PALLD: variants seen among roughly 807,000 people sequenced by gnomAD.
PALLD encodes palladin.
PALLD carries 61 observed loss-of-function variants against 123.5 expected under a neutral mutation model. The observed-to-expected ratio is 0.49, with a 90% CI of 0.40 to 0.61. The LOEUF (loss-of-function observed/expected upper bound fraction) is 0.61, where lower values mean the gene tolerates loss of function less well. Among genes scored for constraint, PALLD ranks in the 20% least tolerant of loss-of-function variants. PALLD has a pLI of 0.00. For synonymous variants in PALLD, 465 were observed against 496.4 expected, an observed-to-expected ratio of 0.94 and a Z score of 0.84; for missense variants, 1,273 against 1,377.0, an observed-to-expected ratio of 0.92 and a Z score of 1.20.
intron 10 of PALLD, among the ~76,000 whole-genome samples, chr4:168,742,542 TGAGGACCTGAACAGTTTC>T (rs1275479024): frequency 3.3e-5 from 5 of 152,332 alleles, no homozygotes; most frequent in Admixed American, 2.0e-4. Context: ...CCTGGTGCTT[TGAGGACCTGAACAGTTTC>T]TGTTCCATGA....
At chr4:168,920,591 C>T (rs1761274334) in intron 17 of PALLD, among the ~76,000 whole-genome samples, 1 of 152,162 alleles carries the variant, frequency 6.6e-6, no homozygotes, top group Non-Finnish European at 1.5e-5. Flanking sequence ...AGATGGCGAC[C>T]ATCCTGACCC....
intron 10 of PALLD, among the ~76,000 whole-genome samples, chr4:168,814,539 T>C (rs1314277613): frequency 1.3e-5 from 2 of 152,160 alleles, no homozygotes; most frequent in African/African-American, 4.8e-5. Context: ...ATAAGGTTCA[T>C]AGGACGAAAT....
chr4:168,829,439 T>C (rs932043472), intron 10 of PALLD, among the ~76,000 whole-genome samples: 8 of 152,252 alleles, frequency 5.3e-5, no homozygotes, highest in East Asian at 3.8e-4. Flanking sequence ...CTACAGGTGG[T>C]AATATCAGAC....
intron 2 of PALLD, among the ~76,000 whole-genome samples, chr4:168,587,515 C>T (rs141560922): frequency 5.2e-4 from 79 of 152,228 alleles, no homozygotes; most frequent in African/African-American, 1.3e-3. Flanking sequence ...CTCCAAAGCG[C>T]AGGGAGGCTT....
intron 10 of PALLD, among the ~76,000 whole-genome samples, chr4:168,733,798 T>G (rs970374566): frequency 1.9e-4 from 29 of 152,132 alleles, no homozygotes; most frequent in African/African-American, 5.8e-4. Flanking sequence ...CAGTGGGTGC[T>G]ATCTTGGCTC....
At chr4:168,677,231 C>T (rs1780948151) in intron 3 of PALLD, among the ~76,000 whole-genome samples, 1 of 149,658 alleles carries the variant, frequency 6.7e-6, no homozygotes, top group African/African-American at 2.5e-5. Flanking sequence ...GAAGTGGGAA[C>T]AGAGTGGGAG....
chr4:168,822,045 C>T (rs1742800932), intron 10 of PALLD, among the ~76,000 whole-genome samples: 1 of 152,068 alleles, frequency 6.6e-6, no homozygotes, highest in African/African-American at 2.4e-5. Context: ...TCCCAGAACC[C>T]TCCAGCTGAA....
In PALLD at chr4:168,531,465, C is replaced by T. The variant is rs558771106; in HGVS notation, c.908+19053C>T. Among the ~76,000 whole-genome samples, 8 of 152,252 alleles carry T rather than the reference C, an allele frequency of 5.3e-5. 1 individual carries two copies. The highest frequency in any genetic ancestry group is 4.6e-4 in the Admixed American group (7 of 15,288). On this transcript the variant is annotated intron_variant, in intron 2 of 21. Transcript: ENST00000505667. ...ACCAATTCCATTACCACTCAGTGTC[C>T]GGCACTCCAGACCAGAACAAAGCTG...
intron 2 of PALLD, among the ~76,000 whole-genome samples, chr4:168,540,127 T>A (rs1485199082): frequency 6.6e-6 from 1 of 152,194 alleles, no homozygotes; most frequent in Non-Finnish European, 1.5e-5. Flanking sequence ...GACCAAGTCA[T>A]CCCAGTCTGT....
chr4:168,921,085 CA>C (rs1236914894), intron 17 of PALLD, among the ~76,000 whole-genome samples: 1 of 151,966 alleles, frequency 6.6e-6, no homozygotes, highest in Non-Finnish European at 1.5e-5. Flanking sequence ...AAGTTTTAAG[CA>C]AAAGAGTAAC....
At chr4:168,893,702 T>G (rs537603978) in intron 11 of PALLD, among the ~76,000 whole-genome samples, 2 of 152,300 alleles carry the variant, frequency 1.3e-5, no homozygotes, top group East Asian at 3.9e-4. Flanking sequence ...CACTTTAGAA[T>G]GAGTATTCAA....
intron 8 of PALLD, among the ~76,000 whole-genome samples, chr4:168,705,793 T>A (rs1339185010): frequency 6.6e-6 from 1 of 152,008 alleles, no homozygotes; most frequent in East Asian, 1.9e-4. Flanking sequence ...CCTGCCACCA[T>A]GCCTGGCTAA....
intron 10 of PALLD, among the ~76,000 whole-genome samples, chr4:168,773,038 C>T (rs1734663452): frequency 6.6e-6 from 1 of 152,122 alleles, no homozygotes. Context: ...CTGATGGCTC[C>T]ATGCTGGCTT....
At chr4:168,914,618 G>C (rs1280017435) in intron 16 of PALLD, among the ~76,000 whole-genome samples, 1 of 146,092 alleles carries the variant, frequency 6.8e-6, no homozygotes, top group African/African-American at 2.8e-5. Flanking sequence ...CAGAGATAGA[G>C]AAAGGATTAT....
At chr4:168,617,417 A>C (rs1774333479) in intron 2 of PALLD, among the ~76,000 whole-genome samples, 1 of 152,166 alleles carries the variant, frequency 6.6e-6, no homozygotes, top group African/African-American at 2.4e-5. Flanking sequence ...CAAGCAGTCC[A>C]TTGTGGGGGA....
intron 2 of PALLD, among the ~76,000 whole-genome samples, chr4:168,527,209 G>T (rs781559894): frequency 6.6e-6 from 1 of 152,110 alleles, no homozygotes; most frequent in Non-Finnish European, 1.5e-5. Context: ...GATCACCTGA[G>T]GTCGGGAGTT....
chr4:168,506,921 C>G (rs1762065932), intron 1 of PALLD, among the ~76,000 whole-genome samples: 1 of 152,188 alleles, frequency 6.6e-6, no homozygotes, highest in South Asian at 2.1e-4. Flanking sequence ...TCCACGATAT[C>G]TAGCTTTTCT....
intron 6 of PALLD, among the ~76,000 whole-genome samples, chr4:168,690,107 T>G (rs1446822206): frequency 6.6e-6 from 1 of 152,176 alleles, no homozygotes; most frequent in African/African-American, 2.4e-5. Flanking sequence ...CTTAATAAAC[T>G]TGACATAGGA....
chr4:168,896,681 T>TA, intron 13 of PALLD, 82 bp downstream of exon 13: 1 of 764,944 alleles, frequency 1.3e-6, no homozygotes, highest in Admixed American at 2.4e-5. Context: ...CGTGTGTTTC[T>TA]ATCTTTTCTG....
Sources: gnomAD v4.1 joint callset for allele counts (sites outside exome capture counted in the v4.1 genomes callset) on GRCh38, gnomAD v4.1.1 for gene constraint, MANE v1.5 for transcripts, NCBI Gene and HGNC (gene_info 2026-07-23, HGNC 2026-07-21) for gene names.